Variants in FBN1 observed in about 807,000 individuals in gnomAD.
The protein encoded by FBN1 is fibrillin-1.
FBN1 carries 29 observed loss-of-function variants against 365.1 expected under a neutral mutation model. The observed-to-expected ratio is 0.08, with a 90% CI of 0.06 to 0.11. The LOEUF is 0.11. Among genes scored for constraint, FBN1 ranks in the 10% least tolerant of loss-of-function variants. The probability of loss-of-function intolerance (pLI) is 1.00; values close to 1 mark genes in which losing one functional copy is unlikely to be tolerated. For synonymous variants in FBN1, 1,210 were observed against 1,270.5 expected, an observed-to-expected ratio of 0.95 and a Z score of 1.01; for missense variants, 2,476 against 3,703.2, an observed-to-expected ratio of 0.67 and a Z score of 8.60.
At chr15:48,631,695 T>C (rs1889992826) in intron 2 of FBN1, among the ~76,000 whole-genome samples, 1 of 152,170 alleles carries the variant, frequency 6.6e-6, no homozygotes, top group African/African-American at 2.4e-5. Flanking sequence ...AGAGGGCTTA[T>C]CTCTTTACCT....
rs1402358481 is a variant in FBN1 at position 48,573,368 on chromosome 15, C to T, written c.538+22915G>A. ...AAATGGTGCATAAAGTGATAGCTAT[C>T]ACATTGTTGTACTAACCATCACTAT... On this transcript the variant is annotated intron_variant, in intron 6 of 65. Coordinates refer to ENST00000316623, the MANE Select transcript of FBN1 (RefSeq NM_000138.5). Among the ~76,000 whole-genome samples, 4 of 152,198 alleles carry T rather than the reference C, an allele frequency of 2.6e-5. No individual in the cohort carries two copies. The East Asian group carries it at 7.7e-4, about 29-fold the overall frequency.
At chr15:48,452,418 T>A (rs892532472) in intron 45 of FBN1, 144 bp downstream of exon 45, 3 of 953,132 alleles carry the variant, frequency 3.1e-6, no homozygotes, top group Non-Finnish European at 5.0e-6. Flanking sequence ...CTTTTTCCAA[T>A]TTAGTTTAAT....
chr15:48,642,877 A>T (rs2140784188), intron 2 of FBN1: 1 of 152,340 alleles, frequency 6.6e-6, no homozygotes, highest in Non-Finnish European at 1.5e-5. Context: ...CTATAATCAC[A>T]AACAAATTTA....
chr15:48,472,329 C>T (rs190604453), intron 35 of FBN1, among the ~76,000 whole-genome samples: 1 of 152,222 alleles, frequency 6.6e-6, no homozygotes, highest in East Asian at 1.9e-4. Flanking sequence ...GCGGCCAAGG[C>T]TGGATGTACA....
intron 6 of FBN1, among the ~76,000 whole-genome samples, chr15:48,588,983 C>T (rs538168088): frequency 2.6e-5 from 4 of 152,282 alleles, no homozygotes; most frequent in South Asian, 2.1e-4. Context: ...CATTTGCTAA[C>T]GTGTCAATAG....
chr15:48,543,489 G>T (rs374598985), intron 6 of FBN1, among the ~76,000 whole-genome samples: 8 of 152,212 alleles, frequency 5.3e-5, no homozygotes, highest in African/African-American at 1.9e-4. Flanking sequence ...CATTATCTAT[G>T]AAGTTTCTTG....
intron 2 of FBN1, among the ~76,000 whole-genome samples, chr15:48,630,435 T>C (rs1474504794): frequency 6.6e-6 from 1 of 152,144 alleles, no homozygotes; most frequent in Non-Finnish European, 1.5e-5. Context: ...AGGTCCCAAA[T>C]GCAAATGAGC....
At chr15:48,422,598 T>C (rs978511966) in intron 60 of FBN1, among the ~76,000 whole-genome samples, 8 of 152,184 alleles carry the variant, frequency 5.3e-5, no homozygotes, top group African/African-American at 1.9e-4. Flanking sequence ...TAAACCAAAA[T>C]TGAGCAATCA....
intron 43 of FBN1, among the ~76,000 whole-genome samples, chr15:48,459,938 G>A (rs1314764638): frequency 6.6e-6 from 1 of 152,216 alleles, no homozygotes; most frequent in East Asian, 1.9e-4. Flanking sequence ...TAAATCAAAT[G>A]TCAACTGGCC....
chr15:48,542,042 G>A (rs780483746), intron 6 of FBN1, among the ~76,000 whole-genome samples: 4 of 152,164 alleles, frequency 2.6e-5, no homozygotes, highest in African/African-American at 7.2e-5. Context: ...TGAGTGGTTA[G>A]CTCAAGGATT....
At chr15:48,627,687 G>A (rs982456484) in intron 2 of FBN1, among the ~76,000 whole-genome samples, 2 of 152,156 alleles carry the variant, frequency 1.3e-5, no homozygotes, top group African/African-American at 2.4e-5. Flanking sequence ...AGAGGCTGCT[G>A]GGATATTGTC....
intron 10 of FBN1, among the ~76,000 whole-genome samples, chr15:48,517,375 G>A (rs1488318009): frequency 6.6e-6 from 1 of 152,152 alleles, no homozygotes; most frequent in East Asian, 1.9e-4. Context: ...ATACTGATTC[G>A]TAAAAGAAAG....
chr15:48,635,652 T>C (rs1013930082), intron 2 of FBN1, among the ~76,000 whole-genome samples: 8 of 152,246 alleles, frequency 5.3e-5, no homozygotes, highest in African/African-American at 1.2e-4. Context: ...ATTAGAGTGA[T>C]TGCCCATTAA....
intron 5 of FBN1, among the ~76,000 whole-genome samples, chr15:48,598,209 C>T (rs886793352): frequency 6.6e-6 from 1 of 152,234 alleles, no homozygotes; most frequent in African/African-American, 2.4e-5. Flanking sequence ...AACCCCAACT[C>T]TGCCGATTAC....
rs11070644 is a variant in FBN1 at position 48,492,300 on chromosome 15, T to C, written c.2854+161A>G. 0.37 allele frequency among the ~76,000 whole-genome samples: 55,795 copies of C among 152,148 alleles called. 12,638 individuals are homozygous for C. The highest frequency in any genetic ancestry group is 0.65 in the African/African-American group (26,849 of 41,494). ...GAAACTACAGTTGCTGCTTACTATT[T>C]GAAAGACTGTCAAAGGAGTGGCCAT... On this transcript the variant is annotated intron_variant, in intron 24 of 65. Transcript: ENST00000316623.
chr15:48,593,166 G>A (rs1597622159), intron 6 of FBN1, among the ~76,000 whole-genome samples: 1 of 152,124 alleles, frequency 6.6e-6, no homozygotes. Flanking sequence ...TATGTTCATG[G>A]ATGATTAAGA....
At chr15:48,638,010 G>C (rs1363144445) in intron 2 of FBN1, among the ~76,000 whole-genome samples, 1 of 151,670 alleles carries the variant, frequency 6.6e-6, no homozygotes, top group Non-Finnish European at 1.5e-5. Context: ...AGTGAGCTTG[G>C]TCTTCAGTTT....
chr15:48,576,033 T>G (rs1211364165), intron 6 of FBN1, among the ~76,000 whole-genome samples: 1 of 152,170 alleles, frequency 6.6e-6, no homozygotes, highest in South Asian at 2.1e-4. Context: ...GGACCAAAAC[T>G]CACATGGAGT....
intron 10 of FBN1, among the ~76,000 whole-genome samples, chr15:48,518,744 T>A (rs111297611): frequency 0.077 from 11,791 of 152,304 alleles, 496 homozygotes; most frequent in Middle Eastern, 0.14. Context: ...TGATGCTGAT[T>A]TATTTTTTAA....
Sources: gnomAD v4.1 joint callset for allele counts (sites outside exome capture counted in the v4.1 genomes callset) on GRCh38, gnomAD v4.1.1 for gene constraint, MANE v1.5 for transcripts, NCBI Gene and HGNC (gene_info 2026-07-23, HGNC 2026-07-21) for gene names.